Variants in COL12A1 observed in about 807,000 individuals in gnomAD.
COL12A1 encodes the protein collagen type XII alpha 1 chain.
COL12A1 carries 114 observed loss-of-function variants against 349.7 expected under a neutral mutation model. That is an observed-to-expected ratio of 0.33 (90% CI 0.28 to 0.38). The LOEUF (loss-of-function observed/expected upper bound fraction) is 0.38, where lower values mean the gene tolerates loss of function less well. Ranked by LOEUF, COL12A1 falls within the 10% of genes least tolerant of loss-of-function variation. The pLI, the probability that COL12A1 is intolerant of heterozygous loss-of-function variation, is 1.00. For missense variants in COL12A1, 3,284 were observed against 3,756.9 expected (o/e 0.87, Z 3.29); for synonymous variants, 1,369 against 1,329.0 (o/e 1.03, Z -0.66).
intron 59 of COL12A1, among the ~76,000 whole-genome samples, chr6:75,096,895 C>CAAAAAAA (rs35243223): frequency 5.5e-5 from 4 of 73,296 alleles, no homozygotes; most frequent in Non-Finnish European, 1.0e-4. Flanking sequence ...GACTCCGTCT[C>CAAAAAAA]AAAAAAAAAA....
rs376189614 is a variant in COL12A1 at position 75,087,682 on chromosome 6, G to C, written c.9076C>G (p.Pro3026Ala). 1.4e-5 allele frequency: 22 copies of C among 1,609,598 alleles called. No homozygotes were observed. Among genetic ancestry groups the C allele is most frequent in the African/African-American group, 1.1e-4 (8 of 74,558 alleles). Residue 3026 changes from proline (P) to alanine (A), a missense_variant, in exon 65 of 66, where the codon CCT becomes GCT. Physicochemically the swap from Pro to Ala is conservative, Grantham distance 27. Around this residue, in one of 2 missense-constraint regions of COL12A1, gnomAD observed 683 missense variants for 932.1 expected, o/e 0.73. Transcript: ENST00000322507. ...ATACCTGAGTTTCCAGGACGGCCAG[G>C]GGGGCCAGGGGGACCTCTTGAACCT... ...STGSRGPPGP[P>A]GRPGNSGIRG...
At chr6:75,174,896 G>T in intron 13 of COL12A1, 142 bp downstream of exon 13, 4 of 964,012 alleles carry the variant, frequency 4.1e-6, no homozygotes, top group Non-Finnish European at 6.1e-6. Flanking sequence ...AGAGCTTTAT[G>T]GTTATTTGTT....
At chr6:75,144,936 T>C (rs1175127908) in intron 25 of COL12A1, among the ~76,000 whole-genome samples, 1 of 152,188 alleles carries the variant, frequency 6.6e-6, no homozygotes, top group African/African-American at 2.4e-5. Flanking sequence ...CCTCCAAAAT[T>C]ACACTCACTC....
At chr6:75,095,244 A>G in intron 59 of COL12A1, 65 bp from the exon 60 acceptor site, 2 of 1,222,066 alleles carry the variant, frequency 1.6e-6, no homozygotes, top group East Asian at 2.3e-5. Flanking sequence ...AAAGTAAATG[A>G]ATACAGCCTG....
intron 19 of COL12A1, 21 bp downstream of exon 19, chr6:75,152,110 T>A: frequency 6.2e-7 from 1 of 1,613,828 alleles, no homozygotes; most frequent in South Asian, 1.1e-5. Flanking sequence ...GCTGAAAGAC[T>A]GTCAGACAGT....
rs1180194184 is a variant in COL12A1, at chr6:75,170,575, AG to A, written c.2710+4462del. ...ACTTCAAAGTCGGCTTGAGCAAAAA[AG>A]TGTTTCTTCCGTAATTATCACCTCT... On this transcript the variant is annotated intron_variant, in intron 13 of 65. Coordinates refer to ENST00000322507, the MANE Select transcript of COL12A1 (RefSeq NM_004370.6). 2.1e-4 allele frequency among the ~76,000 whole-genome samples: 32 copies of A among 152,358 alleles called. No individual in the cohort carries two copies. The East Asian group carries it at 6.2e-3, about 29-fold the overall frequency.
Position 75,142,105 on chromosome 6 carries a change from G to T in COL12A1, c.4884C>A (p.Thr1628=). The change falls in exon 27 of 66, where the codon ACC becomes ACA. Residue 1628 remains threonine, a synonymous_variant. Transcript: ENST00000322507. ...CTGCAGAAACGCTGACTGTGTACAAGGTCTGTGAGAAGAGGTCTTTGAGGG... is the reference window on the plus strand; with the variant it reads ...CTGCAGAAACGCTGACTGTGTACAATGTCTGTGAGAAGAGGTCTTTGAGGG... ...STSLKDLFSQ[T]LYTVSVSAVH... 6.2e-7 allele frequency: 1 copy of T among 1,614,120 alleles called. No individual in the cohort carries two copies. Among genetic ancestry groups the T allele is most frequent in the Non-Finnish European group, 8.5e-7 (1 of 1,179,982 alleles).
At chr6:75,176,831 T>C (rs1768983835) in intron 12 of COL12A1, among the ~76,000 whole-genome samples, 2 of 152,210 alleles carry the variant, frequency 1.3e-5, no homozygotes, top group African/African-American at 4.8e-5. Context: ...GCATTATTAC[T>C]GCTATTTTAA....
chr6:75,192,599 G>A (rs1024329347), intron 3 of COL12A1, among the ~76,000 whole-genome samples: 1 of 151,998 alleles, frequency 6.6e-6, no homozygotes, highest in Admixed American at 6.6e-5. Context: ...GAGAATTCAA[G>A]ACATTTCTAG....
chr6:75,102,631 T>C lies in COL12A1; in HGVS notation c.8381A>G (p.Gln2794Arg). 1 of 1,568,038 alleles carries C rather than the reference T, an allele frequency of 6.4e-7. No individual in the cohort carries two copies. Among genetic ancestry groups the C allele is most frequent in the Non-Finnish European group, 8.6e-7 (1 of 1,158,004 alleles). ...CGGAATAGAGAGTCCATTGGGTCCCTGAGGGCCTGGAGGACCCTGGGGGCC... is the reference window on the plus strand; with the variant it reads ...CGGAATAGAGAGTCCATTGGGTCCCCGAGGGCCTGGAGGACCCTGGGGGCC... Reference protein sequence around the residue: ...PPGPQGPPGPQGPNGLSIPGE... With the variant: ...PPGPQGPPGPRGPNGLSIPGE... The change falls in exon 56 of 66, where the codon CAG becomes CGG. Residue 2794 changes from glutamine to arginine, a missense_variant. By Grantham distance (43) the Gln-to-Arg change is conservative. This residue lies in a region of COL12A1 where 683 missense variants were observed against 932.1 expected (regional missense o/e 0.73). Coordinates refer to ENST00000322507, the MANE Select transcript of COL12A1 (RefSeq NM_004370.6).
chr6:75,128,307 T>C lies in COL12A1; in HGVS notation c.6329A>G (p.Asn2110Ser). The change falls in exon 38 of 66, where the codon AAT (asparagine) becomes AGT (serine). Residue 2110 changes from asparagine to serine, a missense_variant. Physicochemically the swap from Asn to Ser is conservative, Grantham distance 46. This residue lies in a region of COL12A1 where 2,601 missense variants were observed against 2,824.8 expected (regional missense o/e 0.92). Coordinates refer to ENST00000322507, the MANE Select transcript of COL12A1 (RefSeq NM_004370.6). ...EDGDGGHLTG[N>S]GRTVGLLPPQ... ...TACAAAACACTTACCAGTTCTTCCA[T>C]TTCCTGTTAGATGGCCACCATCTCC... 2 of 1,601,952 alleles carry C rather than the reference T, an allele frequency of 1.2e-6. No individual in the cohort carries two copies. The highest frequency in any genetic ancestry group is 2.7e-5 in the African/African-American group (2 of 74,446).
In COL12A1 at chr6:75,205,208, C is replaced by T. The variant is rs190646397; in HGVS notation, c.-36+569G>A. ...CCAAGAATGAGTACCCTAGTGCTGC[C>T]TAACCCACCATCTCGGATGCTCTGA... On this transcript the variant is annotated intron_variant, in intron 1 of 65. Coordinates refer to ENST00000322507, the MANE Select transcript of COL12A1 (RefSeq NM_004370.6). 1.4e-3 allele frequency among the ~76,000 whole-genome samples: 209 copies of T among 149,692 alleles called. 4 individuals are homozygous for T. Among genetic ancestry groups the T allele is most frequent in the Admixed American group, 0.014 (204 of 14,892 alleles).
intron 32 of COL12A1, among the ~76,000 whole-genome samples, chr6:75,134,419 A>C (rs915518983): frequency 1.3e-5 from 2 of 151,956 alleles, no homozygotes; most frequent in Admixed American, 6.6e-5. Context: ...AAAATATAAA[A>C]AATTAGCCGG....
chr6:75,128,399 A>G lies in COL12A1; in HGVS notation c.6237T>C (p.Asn2079=), dbSNP rs764494981. 7 of 1,605,352 alleles carry G rather than the reference A, an allele frequency of 4.4e-6. No individual in the cohort carries two copies. The highest frequency in any genetic ancestry group is 2.3e-5 in the East Asian group (1 of 44,432). Residue 2079 remains asparagine (N), a synonymous_variant, in exon 38 of 66, where the codon AAT becomes AAC. Transcript: ENST00000322507. ...EYTTVPGRRN[N]VILQPLQPDT... The stretch of plus-strand genomic sequence containing the variant: ...CAGGTTGCAGGGGCTGCAGTATTAC[A>G]TTGTTTCTTCTGCCTGGGACTGTGG...
chr6:75,197,406 AGGT>A (rs1295012123), intron 2 of COL12A1, among the ~76,000 whole-genome samples: 1 of 150,630 alleles, frequency 6.6e-6, no homozygotes, highest in Admixed American at 6.7e-5. Flanking sequence ...TCAGCCTCCT[AGGT>A]TCAAGCGATT....
chr6:75,198,781 T>C (rs999774255), intron 2 of COL12A1, among the ~76,000 whole-genome samples: 8 of 152,252 alleles, frequency 5.3e-5, no homozygotes, highest in Admixed American at 4.6e-4. Flanking sequence ...TTGGTAAGTA[T>C]ACATAATGCG....
intron 2 of COL12A1, among the ~76,000 whole-genome samples, chr6:75,200,210 TTAG>T (rs140652068): frequency 0.017 from 2,589 of 152,286 alleles, 50 homozygotes; most frequent in Non-Finnish European, 0.028. Context: ...CTAGCACCAC[TTAG>T]TAGTCAACAG....
At chr6:75,135,419 G>T (rs1045864877) in intron 31 of COL12A1, among the ~76,000 whole-genome samples, 1 of 152,004 alleles carries the variant, frequency 6.6e-6, no homozygotes, top group African/African-American at 2.4e-5. Context: ...CTCAATCAGG[G>T]GTTTCCAGTT....
In COL12A1 at chr6:75,096,185, A is replaced by T. The variant is rs1768016762; in HGVS notation, c.8578-1006T>A. On this transcript the variant is annotated intron_variant, in intron 59 of 65. Transcript: ENST00000322507. ...CAATATGTCATGTTCTAAAGCCTAAAATTTTCTTAAAATGGAATGTTCAGA... is the reference window on the plus strand; with the variant it reads ...CAATATGTCATGTTCTAAAGCCTAATATTTTCTTAAAATGGAATGTTCAGA... Among the ~76,000 whole-genome samples the T allele has an allele frequency of 3.3e-5, 5 of 152,152 alleles. No homozygotes were observed. In the South Asian group the frequency reaches 1.0e-3, roughly 31 times the overall value.
Sources: gnomAD v4.1 joint callset for allele counts (sites outside exome capture counted in the v4.1 genomes callset) on GRCh38, gnomAD v4.1.1 for gene constraint, gnomAD v4.1.1 regional missense constraint, MANE v1.5 for transcripts, NCBI Gene and HGNC (gene_info 2026-07-23, HGNC 2026-07-21) for gene names.